Variants in GTF2F2 observed in about 807,000 individuals in gnomAD.
GTF2F2 encodes general transcription factor IIF subunit 2, also known as ATP-dependent helicase GTF2F2.
Under a neutral mutation model 42.2 loss-of-function variants are expected in GTF2F2, and 23 were observed. The observed-to-expected ratio is 0.55, with a 90% CI of 0.39 to 0.77. The LOEUF is 0.77. GTF2F2 is among the 30% of genes least tolerant of loss of function. The pLI is 0.00. For synonymous variants in GTF2F2, 105 were observed against 100.8 expected (o/e 1.04, Z -0.25); for missense variants, 261 against 287.2 (o/e 0.91, Z 0.66).
intron 7 of GTF2F2, among the ~76,000 whole-genome samples, chr13:45,275,536 A>G (rs1593531472): frequency 7.0e-6 from 1 of 143,870 alleles, no homozygotes; most frequent in South Asian, 2.1e-4. Flanking sequence ...CCCACCTATG[A>G]GTGAGAACAT....
At chr13:45,168,068 G>A (rs1462684660) in intron 4 of GTF2F2, among the ~76,000 whole-genome samples, 2 of 152,102 alleles carry the variant, frequency 1.3e-5, no homozygotes, top group Non-Finnish European at 2.9e-5. Flanking sequence ...GACTTTTCTT[G>A]AGAGAAAGAT....
At chr13:45,247,497 A>G (rs568685258) in intron 5 of GTF2F2, among the ~76,000 whole-genome samples, 5 of 151,750 alleles carry the variant, frequency 3.3e-5, no homozygotes, top group South Asian at 4.2e-4. Context: ...GCTTCAAGCA[A>G]TTCTCCTGCC....
At chr13:45,160,295 A>G (rs1356134196) in intron 4 of GTF2F2, among the ~76,000 whole-genome samples, 1 of 152,198 alleles carries the variant, frequency 6.6e-6, no homozygotes, top group Non-Finnish European at 1.5e-5. Context: ...AAGAAAATCT[A>G]CCTCTTATAA....
At chr13:45,206,239 CAG>C (rs1566134964) in intron 4 of GTF2F2, 1 of 152,086 alleles carries the variant, frequency 6.6e-6, no homozygotes, top group Non-Finnish European at 1.5e-5. Flanking sequence ...TTAGTTCGTA[CAG>C]AGTCTCCTAG....
At chr13:45,281,280 C>T (rs957699978) in intron 7 of GTF2F2, among the ~76,000 whole-genome samples, 3 of 152,056 alleles carry the variant, frequency 2.0e-5, no homozygotes, top group Non-Finnish European at 2.9e-5. Context: ...GGAAGGCTGC[C>T]CACGAGAGAG....
At chr13:45,167,092 CT>C (rs11332719) in intron 4 of GTF2F2, among the ~76,000 whole-genome samples, 1,704 of 133,960 alleles carry the variant, frequency 0.013, 10 homozygotes, top group Admixed American at 0.035. Context: ...CAGTTGAAGT[CT>C]TTTTTTTTTT....
intron 1 of GTF2F2, among the ~76,000 whole-genome samples, chr13:45,123,649 A>C (rs1214948176): frequency 6.7e-6 from 1 of 148,992 alleles, no homozygotes; most frequent in African/African-American, 2.5e-5. Flanking sequence ...AAAAAAAAAC[A>C]ACCAAAACCT....
In GTF2F2 at chr13:45,226,189, A is replaced by G. The variant is rs1012413423; in HGVS notation, c.386+18684A>G. On this transcript the variant is annotated intron_variant, in intron 5 of 7. Transcript: ENST00000340473. ...TTATAATCATGTATCCTTTTGTGTG[A>G]TACGAATTCAGTACCATGTGACTGT... Among the ~76,000 whole-genome samples the G allele has an allele frequency of 2.6e-5, 4 of 152,162 alleles. No homozygotes were observed. In the East Asian group the frequency reaches 5.8e-4, roughly 22 times the overall value.
intron 5 of GTF2F2, among the ~76,000 whole-genome samples, chr13:45,244,044 A>G (rs1455271601): frequency 6.6e-6 from 1 of 152,198 alleles, no homozygotes; most frequent in South Asian, 2.1e-4. Flanking sequence ...CAGTGGCCCA[A>G]CTGTAATTTT....
At chr13:45,253,624 A>G (rs913914609) in intron 6 of GTF2F2, among the ~76,000 whole-genome samples, 1 of 152,236 alleles carries the variant, frequency 6.6e-6, no homozygotes, top group Non-Finnish European at 1.5e-5. Context: ...TAAGTTGTGC[A>G]ACCTTCTGAG....
intron 6 of GTF2F2, among the ~76,000 whole-genome samples, chr13:45,262,490 C>A (rs530719956): frequency 1.3e-5 from 2 of 152,242 alleles, no homozygotes; most frequent in South Asian, 4.1e-4. Flanking sequence ...TGCATTGGTG[C>A]ATTCTCAGCT....
At chr13:45,214,279 TAGTA>T (rs963036462) in intron 5 of GTF2F2, among the ~76,000 whole-genome samples, 4 of 152,206 alleles carry the variant, frequency 2.6e-5, no homozygotes, top group African/African-American at 4.8e-5. Context: ...AAATGTAAGT[TAGTA>T]AGATTCTGTC....
At chr13:45,207,252 A>G in intron 4 of GTF2F2, 172 bp from the exon 5 acceptor site, 2 of 515,866 alleles carry the variant, frequency 3.9e-6, no homozygotes, top group South Asian at 3.0e-5. Context: ...TACTAAGCCA[A>G]GAATAAGGCT....
At chr13:45,258,948 G>A (rs139514379) in intron 6 of GTF2F2, among the ~76,000 whole-genome samples, 1 of 152,128 alleles carries the variant, frequency 6.6e-6, no homozygotes, top group African/African-American at 2.4e-5. Context: ...GTGTGTTCTG[G>A]TTGACTTTGT....
intron 1 of GTF2F2, among the ~76,000 whole-genome samples, chr13:45,126,935 C>T (rs1869038308): frequency 6.6e-6 from 1 of 152,128 alleles, no homozygotes; most frequent in African/African-American, 2.4e-5. Flanking sequence ...GTACTTATTA[C>T]CTTGTCTCCA....
intron 7 of GTF2F2, among the ~76,000 whole-genome samples, chr13:45,280,416 C>T (rs1877214159): frequency 6.6e-6 from 1 of 152,168 alleles, no homozygotes; most frequent in Admixed American, 6.5e-5. Flanking sequence ...ACTACTTTCT[C>T]TGCTAATGTT....
chr13:45,274,493 A>AT (rs936357052), intron 7 of GTF2F2, among the ~76,000 whole-genome samples: 8 of 151,690 alleles, frequency 5.3e-5, no homozygotes, highest in Non-Finnish European at 8.8e-5. Flanking sequence ...CACCTAGCTA[A>AT]TTTTTTTGTA....
intron 4 of GTF2F2, among the ~76,000 whole-genome samples, chr13:45,200,137 G>A (rs1334736034): frequency 6.6e-6 from 1 of 151,930 alleles, no homozygotes; most frequent in Non-Finnish European, 1.5e-5. Context: ...ACAAATGATA[G>A]CATCTTATAG....
chr13:45,220,693 C>T lies in GTF2F2; in HGVS notation c.386+13188C>T, dbSNP rs1482625114. ...AAAGGAATACATAGAATTGCCTGGT[C>T]GGTTGGGCTGATGGTAGTTTATTTT... On this transcript the variant is annotated intron_variant, in intron 5 of 7. Coordinates refer to ENST00000340473, the MANE Select transcript of GTF2F2 (RefSeq NM_004128.3). Among the ~76,000 whole-genome samples the T allele has an allele frequency of 2.0e-5, 3 of 151,776 alleles. No individual in the cohort carries two copies. The East Asian group carries it at 5.8e-4, about 29-fold the overall frequency.
Sources: gnomAD v4.1 joint callset for allele counts (sites outside exome capture counted in the v4.1 genomes callset) on GRCh38, gnomAD v4.1.1 for gene constraint, MANE v1.5 for transcripts, NCBI Gene and HGNC (gene_info 2026-07-23, HGNC 2026-07-21) for gene names.